Variants in CTBP2 observed in about 807,000 individuals in gnomAD.
CTBP2 encodes C-terminal binding protein 2, also known as C-terminal-binding protein 2.
Under a neutral mutation model 80.3 loss-of-function variants are expected in CTBP2, and 30 were observed. That is an observed-to-expected ratio of 0.37 (90% CI 0.28 to 0.51). The LOEUF (loss-of-function observed/expected upper bound fraction) is 0.51, where lower values mean the gene tolerates loss of function less well. Ranked by LOEUF, CTBP2 falls within the 20% of genes least tolerant of loss-of-function variation. The pLI is 0.93. For missense variants in CTBP2, 1,212 were observed against 1,375.3 expected (o/e 0.88, Z 1.88); for synonymous variants, 594 against 587.4 (o/e 1.01, Z -0.16).
At chr10:125,045,045 C>T (rs1175801511) in intron 2 of CTBP2, among the ~76,000 whole-genome samples, 2 of 152,260 alleles carry the variant, frequency 1.3e-5, no homozygotes, top group East Asian at 1.9e-4. Context: ...ATGCTGGATT[C>T]GTGAATGTGC....
chr10:124,987,031 C>T lies in CTBP2; in HGVS notation c.*2487G>A, dbSNP rs1406500833. On this transcript the variant is annotated 3_prime_UTR_variant, in exon 9 of 9. Transcript: ENST00000309035. ...TAGTGTGATAGGTGCAGCATTCTTCCCTGTGGGAAAGAATTAAAGATGGTT... is the reference window on the plus strand; with the variant it reads ...TAGTGTGATAGGTGCAGCATTCTTCTCTGTGGGAAAGAATTAAAGATGGTT... The T allele has an allele frequency of 6.6e-6, 1 of 152,484 alleles. No individual in the cohort carries two copies. Among genetic ancestry groups the T allele is most frequent in the Non-Finnish European group, 1.5e-5 (1 of 68,006 alleles). 9.4% of individuals were successfully genotyped at this position (152,484 alleles called of 1,614,324 possible). A position where few individuals can be genotyped will look rare whatever the true frequency, so the allele number is the denominator to read the frequency against.
At chr10:125,059,686 G>A (rs900262537) in intron 2 of CTBP2, among the ~76,000 whole-genome samples, 5 of 152,146 alleles carry the variant, frequency 3.3e-5, no homozygotes, top group South Asian at 2.1e-4. Context: ...GTTTTTTGAC[G>A]TCGACCCCAG....
intron 2 of CTBP2, among the ~76,000 whole-genome samples, chr10:125,081,891 C>G (rs1847226614): frequency 6.6e-6 from 1 of 152,052 alleles, no homozygotes. Flanking sequence ...CTCCTTCTGT[C>G]TCTGCTGTTG....
intron 4 of CTBP2, chr10:124,997,645 G>C: frequency 2.4e-6 from 1 of 422,712 alleles, no homozygotes; most frequent in South Asian, 2.8e-5. Context: ...TACAGCCCCT[G>C]CCCTTCACCC....
At chr10:125,150,212 C>T (rs1362208534) in intron 1 of CTBP2, among the ~76,000 whole-genome samples, 4 of 152,332 alleles carry the variant, frequency 2.6e-5, no homozygotes, top group East Asian at 1.9e-4. Flanking sequence ...AGCCCTCCCT[C>T]GAGGGAGATG....
intron 2 of CTBP2, among the ~76,000 whole-genome samples, chr10:125,053,733 C>T (rs1019691932): frequency 6.6e-5 from 10 of 152,082 alleles, no homozygotes; most frequent in Non-Finnish European, 1.3e-4. Flanking sequence ...AGCCCAGAGC[C>T]GAAGGTGTAG....
At chr10:125,110,517 C>T (rs973525049) in intron 2 of CTBP2, among the ~76,000 whole-genome samples, 2 of 152,176 alleles carry the variant, frequency 1.3e-5, no homozygotes, top group South Asian at 4.1e-4. Flanking sequence ...AGGCTGGTAA[C>T]ACTAAAAGCC....
intron 2 of CTBP2, among the ~76,000 whole-genome samples, chr10:125,044,138 AC>A (rs1960619111): frequency 6.6e-6 from 1 of 152,094 alleles, no homozygotes; most frequent in Admixed American, 6.5e-5. Flanking sequence ...AAGGTCCACC[AC>A]CCTTCTGAGC....
intron 1 of CTBP2, among the ~76,000 whole-genome samples, chr10:125,016,929 T>C (rs1168090883): frequency 6.6e-6 from 1 of 152,234 alleles, no homozygotes; most frequent in Non-Finnish European, 1.5e-5. Context: ...CGTGTTGGGT[T>C]GAGAGGCCAG....
At chr10:125,078,678 C>T (rs59012283) in intron 2 of CTBP2, among the ~76,000 whole-genome samples, 13 of 152,216 alleles carry the variant, frequency 8.5e-5, no homozygotes, top group East Asian at 7.7e-4. Context: ...GAGCAATCAC[C>T]GGATCCTGTA....
intron 2 of CTBP2, among the ~76,000 whole-genome samples, chr10:125,041,204 C>G (rs1232494040): frequency 6.6e-6 from 1 of 152,216 alleles, no homozygotes; most frequent in Non-Finnish European, 1.5e-5. Flanking sequence ...ACCTCACCTC[C>G]TTAATAGGTG....
At chr10:125,102,148 G>T (rs1850727041) in intron 2 of CTBP2, among the ~76,000 whole-genome samples, 1 of 152,178 alleles carries the variant, frequency 6.6e-6, no homozygotes, top group African/African-American at 2.4e-5. Flanking sequence ...TGCAAGAGGG[G>T]GAAACTGAGG....
At chr10:125,036,002 C>T (rs1266121803) in intron 3 of CTBP2, among the ~76,000 whole-genome samples, 2 of 152,156 alleles carry the variant, frequency 1.3e-5, no homozygotes, top group Non-Finnish European at 2.9e-5. Flanking sequence ...CAAAGAGTTA[C>T]ATTAAAAAAA....
intron 8 of CTBP2, among the ~76,000 whole-genome samples, chr10:124,991,015 T>G (rs1270151098): frequency 1.3e-5 from 2 of 152,214 alleles, no homozygotes; most frequent in Non-Finnish European, 2.9e-5. Flanking sequence ...GGCTATATAC[T>G]CCCATGGCCT....
rs1300626365 is a variant in CTBP2, at chr10:125,001,498, C to A, written c.1978+1462G>T. The stretch of plus-strand genomic sequence containing the variant: ...TAAACACGCCTTTGAAGACTCACAT[C>A]TTCTGGAGTGTCTTTGTTCCAACAG... On this transcript the variant is annotated intron_variant, in intron 3 of 8. Coordinates refer to ENST00000309035, the MANE Select transcript of CTBP2 (RefSeq NM_022802.3). The A allele has an allele frequency of 2.6e-5, 4 of 152,318 alleles. No homozygotes were observed. The East Asian group carries it at 7.7e-4, about 29-fold the overall frequency. 9.4% of individuals were successfully genotyped at this position (152,318 alleles called of 1,614,324 possible). A position where few individuals can be genotyped will look rare whatever the true frequency, so the allele number is the denominator to read the frequency against.
chr10:125,069,132 G>C (rs1377793006), intron 2 of CTBP2, among the ~76,000 whole-genome samples: 4 of 152,122 alleles, frequency 2.6e-5, no homozygotes, highest in Non-Finnish European at 5.9e-5. Flanking sequence ...AGGGTTTCCT[G>C]TTCCCTGCCT....
chr10:125,092,779 A>G lies in CTBP2; in HGVS notation c.-102+18211T>C, dbSNP rs138429508. Reference sequence around the variant, plus strand: ...CACTGTTTCTTCCAGAACGTACCCAATGTGGGCACTGGCTTACGTTTAGGA... The same window carrying G: ...CACTGTTTCTTCCAGAACGTACCCAGTGTGGGCACTGGCTTACGTTTAGGA... On this transcript the variant is annotated intron_variant, in intron 2 of 10. Transcript: ENST00000337195. 3.8e-4 allele frequency among the ~76,000 whole-genome samples: 58 copies of G among 152,350 alleles called. No individual in the cohort carries two copies. The East Asian group carries it at 7.5e-3, about 20-fold the overall frequency.
intron 3 of CTBP2, among the ~76,000 whole-genome samples, chr10:125,001,853 T>C (rs186297526): frequency 1.2e-3 from 185 of 152,274 alleles, no homozygotes; most frequent in African/African-American, 4.2e-3. Context: ...ATACACTCCA[T>C]GCCCCAGGCT....
At chr10:125,028,306 C>A (rs924119781), upstream of CTBP2, among the ~76,000 whole-genome samples, 1 of 152,200 alleles carries the variant, frequency 6.6e-6, no homozygotes, top group Non-Finnish European at 1.5e-5. Flanking sequence ...GCTGTTCCCA[C>A]CCCTGCCACT....
Sources: gnomAD v4.1 joint callset for allele counts (sites outside exome capture counted in the v4.1 genomes callset) on GRCh38, gnomAD v4.1.1 for gene constraint, MANE v1.5 for transcripts, NCBI Gene and HGNC (gene_info 2026-07-23, HGNC 2026-07-21) for gene names.